Variants in SYT9 observed in about 807,000 individuals in gnomAD.
SYT9 encodes the protein synaptotagmin 9.
In SYT9, 22 loss-of-function variants were observed where a neutral mutation model predicts 48.4. That is an observed-to-expected ratio of 0.45 (90% confidence interval 0.32 to 0.65). SYT9 has a LOEUF of 0.65. Among genes scored for constraint, SYT9 ranks in the 30% least tolerant of loss-of-function variants. The pLI is 0.03. For missense variants in SYT9, 577 were observed against 622.0 expected (o/e 0.93, Z 0.77); for synonymous variants, 265 against 245.0 (o/e 1.08, Z -0.76).
In SYT9 at chr11:7,416,306, G is replaced by A. The variant is rs545252324; in HGVS notation, c.1165+144G>A. The A allele has an allele frequency of 8.7e-5, 81 of 933,546 alleles. No homozygotes were observed. In the African/African-American group the frequency reaches 1.2e-3, roughly 14 times the overall value. 57.8% of individuals were successfully genotyped at this position (933,546 alleles called of 1,614,324 possible). A position where few individuals can be genotyped will look rare whatever the true frequency, so the allele number is the denominator to read the frequency against. On this transcript the variant is annotated intron_variant, in intron 4 of 6. Coordinates refer to ENST00000318881, the MANE Select transcript of SYT9 (RefSeq NM_175733.4). ...CTAGTCCTAACACCTGTGTGACCTTGGGCAAGTCATTTTACCTCTCTGAGC... is the reference window on the plus strand; with the variant it reads ...CTAGTCCTAACACCTGTGTGACCTTAGGCAAGTCATTTTACCTCTCTGAGC...
intron 6 of SYT9, among the ~76,000 whole-genome samples, chr11:7,442,986 C>A (rs1474048393): frequency 1.3e-5 from 2 of 150,666 alleles, no homozygotes; most frequent in African/African-American, 2.4e-5. Context: ...GGGAGAAAAG[C>A]AGAGAGAGAG....
chr11:7,454,710 C>T (rs897673142), intron 6 of SYT9, among the ~76,000 whole-genome samples: 3 of 152,156 alleles, frequency 2.0e-5, no homozygotes, highest in Admixed American at 6.5e-5. Flanking sequence ...CCTTTAATAA[C>T]CTAAGGCCCC....
chr11:7,395,233 T>A (rs1175962549), intron 3 of SYT9, among the ~76,000 whole-genome samples: 1 of 152,164 alleles, frequency 6.6e-6, no homozygotes, highest in Non-Finnish European at 1.5e-5. Context: ...TTCAGTTTTT[T>A]GGGATTTATT....
chr11:7,259,059 G>A (rs1848030628), intron 1 of SYT9, among the ~76,000 whole-genome samples: 1 of 152,096 alleles, frequency 6.6e-6, no homozygotes, highest in Admixed American at 6.5e-5. Flanking sequence ...ATATTGCATG[G>A]CACATAATTA....
In SYT9 at chr11:7,304,746, G is replaced by C. The variant is rs146753061; in HGVS notation, c.497+1356G>C. ...AGAAATCCTCAGATTTTATCACTAG[G>C]ATTTATCTTCAGATTTAAAACTTAA... On this transcript the variant is annotated intron_variant, in intron 2 of 6. Coordinates refer to ENST00000318881, the MANE Select transcript of SYT9 (RefSeq NM_175733.4). Among the ~76,000 whole-genome samples the C allele has an allele frequency of 8.3e-3, 1,268 of 152,284 alleles. 9 individuals are homozygous for C. Among genetic ancestry groups the C allele is most frequent in the Non-Finnish European group, 0.012 (785 of 68,018 alleles).
intron 6 of SYT9, among the ~76,000 whole-genome samples, chr11:7,442,443 T>A (rs12293141): frequency 0.02 from 3,031 of 152,266 alleles, 92 homozygotes; most frequent in African/African-American, 0.068. Context: ...TCAGGCATGT[T>A]TGGAGTCCCA....
At chr11:7,401,424 A>G (rs1039508240) in intron 3 of SYT9, among the ~76,000 whole-genome samples, 2 of 151,694 alleles carry the variant, frequency 1.3e-5, no homozygotes, top group African/African-American at 4.8e-5. Context: ...TGGATAAGGA[A>G]TATTCAACCT....
chr11:7,391,334 G>T (rs950211857), intron 3 of SYT9, among the ~76,000 whole-genome samples: 1 of 152,086 alleles, frequency 6.6e-6, no homozygotes, highest in Admixed American at 6.5e-5. Flanking sequence ...AAGTGAGATT[G>T]CCAGGTCAGA....
chr11:7,328,691 C>T (rs906578267), intron 3 of SYT9, among the ~76,000 whole-genome samples: 1 of 152,216 alleles, frequency 6.6e-6, no homozygotes, highest in African/African-American at 2.4e-5. Flanking sequence ...TTTACCACTT[C>T]TCTTGGTTTA....
intron 1 of SYT9, among the ~76,000 whole-genome samples, chr11:7,285,638 A>C (rs976304201): frequency 1.3e-5 from 2 of 152,210 alleles, no homozygotes; most frequent in Non-Finnish European, 2.9e-5. Flanking sequence ...TTCCAGCATT[A>C]ACCCAAAAGT....
At chr11:7,280,051 G>A (rs185057673) in intron 1 of SYT9, among the ~76,000 whole-genome samples, 1 of 152,326 alleles carries the variant, frequency 6.6e-6, no homozygotes, top group East Asian at 1.9e-4. Context: ...CCTGGATTGG[G>A]GGCAGGGATG....
At chr11:7,313,039 G>C (rs1415111846) in intron 2 of SYT9, among the ~76,000 whole-genome samples, 4 of 152,166 alleles carry the variant, frequency 2.6e-5, no homozygotes, top group African/African-American at 4.8e-5. Flanking sequence ...ATATAAAGTT[G>C]AATAATTTTA....
At chr11:7,429,651 T>C (rs1847529204) in intron 6 of SYT9, among the ~76,000 whole-genome samples, 1 of 152,232 alleles carries the variant, frequency 6.6e-6, no homozygotes, top group African/African-American at 2.4e-5. Context: ...TGGTGTTCTT[T>C]GGGAGTGAAG....
At chr11:7,343,453 C>G (rs1849747784) in intron 3 of SYT9, among the ~76,000 whole-genome samples, 1 of 152,188 alleles carries the variant, frequency 6.6e-6, no homozygotes, top group Non-Finnish European at 1.5e-5. Flanking sequence ...TGTTGCCAGT[C>G]TCTTTGCTAA....
intron 3 of SYT9, among the ~76,000 whole-genome samples, chr11:7,329,973 A>G (rs573037714): frequency 1.3e-3 from 199 of 152,188 alleles, no homozygotes; most frequent in Non-Finnish European, 2.3e-3. Flanking sequence ...GGATAGCGAT[A>G]TTTTTCTCTA....
Position 7,356,157 on chromosome 11 carries a change from G to A in SYT9, c.1044+42216G>A, listed in dbSNP as rs922668933. 3.9e-5 allele frequency among the ~76,000 whole-genome samples: 6 copies of A among 152,314 alleles called. No homozygotes were observed. The East Asian group carries it at 1.2e-3, about 29-fold the overall frequency. ...TGTCCAGGAGCTGAGATTGGTCACT[G>A]TAGTTACAGTCAAAAAACGGTGATG... is the stretch of plus-strand genomic sequence containing the variant. On this transcript the variant is annotated intron_variant, in intron 3 of 6. Coordinates refer to ENST00000318881, the MANE Select transcript of SYT9 (RefSeq NM_175733.4).
At chr11:7,405,967 G>T (rs1210038883) in intron 3 of SYT9, among the ~76,000 whole-genome samples, 1 of 151,998 alleles carries the variant, frequency 6.6e-6, no homozygotes, top group South Asian at 2.1e-4. Context: ...TTGAACTAGG[G>T]GCTGTTCTAG....
intron 3 of SYT9, among the ~76,000 whole-genome samples, chr11:7,392,342 A>G (rs997158329): frequency 1.3e-5 from 2 of 152,026 alleles, no homozygotes; most frequent in African/African-American, 2.4e-5. Flanking sequence ...AGTTATTCTG[A>G]CAGCATTTAT....
intron 3 of SYT9, among the ~76,000 whole-genome samples, chr11:7,357,613 C>A (rs1564874784): frequency 1.3e-5 from 2 of 152,078 alleles, no homozygotes; most frequent in East Asian, 3.9e-4. Context: ...GTTTATATTC[C>A]ATCAATTGCA....
Sources: allele counts gnomAD v4.1 joint callset (sites outside exome capture counted in the v4.1 genomes callset), GRCh38; gene constraint gnomAD v4.1.1; transcripts MANE v1.5; gene names NCBI Gene and HGNC (gene_info 2026-07-23, HGNC 2026-07-21).